TULP4: variants seen among roughly 807,000 people sequenced by gnomAD.
TULP4 encodes the protein tubby-related protein 4.
A neutral mutation model predicts 129.0 loss-of-function variants in TULP4; 16 were observed. That is an observed-to-expected ratio of 0.12 (90% confidence interval 0.08 to 0.19). TULP4 has a LOEUF of 0.19. TULP4 is among the 10% of genes least tolerant of loss of function. The pLI, the probability that TULP4 is intolerant of heterozygous loss-of-function variation, is 1.00. For synonymous variants in TULP4, 998 were observed against 854.0 expected, an observed-to-expected ratio of 1.17 and a Z score of -2.94; for missense variants, 1,842 against 2,059.1, an observed-to-expected ratio of 0.89 and a Z score of 2.04.
chr6:158,326,196 C>A (rs1779743142), intron 1 of TULP4, among the ~76,000 whole-genome samples: 2 of 152,202 alleles, frequency 1.3e-5, no homozygotes, highest in South Asian at 2.1e-4. Flanking sequence ...TTATTTAACT[C>A]TTTTCTCCTC....
rs1779422987 is a variant in TULP4, at chr6:158,313,879, A to G, written c.-138A>G. The G allele has an allele frequency of 1.1e-6, 1 of 910,356 alleles. No individual in the cohort carries two copies. Among genetic ancestry groups the G allele is most frequent in the African/African-American group, 1.7e-5 (1 of 59,760 alleles). The allele number at this position is 910,356 out of a possible 1,614,324, so 56.4% of individuals were successfully genotyped here. ...TATAAAATACTGACCTTCTAATTAGATTCAGGTCAGTCTTAATTAAAGGGG... is the reference window on the plus strand; with the variant it reads ...TATAAAATACTGACCTTCTAATTAGGTTCAGGTCAGTCTTAATTAAAGGGG... On this transcript the variant is annotated 5_prime_UTR_variant, in exon 1 of 14. Transcript: ENST00000367097.
intron 2 of TULP4, among the ~76,000 whole-genome samples, chr6:158,425,623 T>A (rs182070836): frequency 1.3e-5 from 2 of 152,172 alleles, no homozygotes; most frequent in Admixed American, 6.5e-5. Flanking sequence ...TTGTTTTGTT[T>A]TTTTGAGACG....
At chr6:158,310,068 A>G (rs1283769239), upstream of TULP4, among the ~76,000 whole-genome samples, 1 of 152,214 alleles carries the variant, frequency 6.6e-6, no homozygotes, top group African/African-American at 2.4e-5. Context: ...ATAATTTGTC[A>G]TTCATACTTT....
intron 1 of TULP4, among the ~76,000 whole-genome samples, chr6:158,323,476 C>T (rs1308375331): frequency 6.6e-6 from 1 of 152,166 alleles, no homozygotes; most frequent in African/African-American, 2.4e-5. Context: ...TCATTTTATG[C>T]AACTCTTCTG....
chr6:158,485,369 A>G (rs778965808), intron 8 of TULP4, among the ~76,000 whole-genome samples: 1 of 152,232 alleles, frequency 6.6e-6, no homozygotes, highest in Non-Finnish European at 1.5e-5. Context: ...TACATTTTGA[A>G]GAAAATACCA....
At chr6:158,411,965 A>T (rs1193200238) in intron 1 of TULP4, among the ~76,000 whole-genome samples, 1 of 152,224 alleles carries the variant, frequency 6.6e-6, no homozygotes, top group Non-Finnish European at 1.5e-5. Context: ...ATAATTAGCT[A>T]TTAGGCACAA....
At chr6:158,239,160 C>T (rs1289633644) in intron 1 of TULP4, among the ~76,000 whole-genome samples, 3 of 113,570 alleles carry the variant, frequency 2.6e-5, no homozygotes, top group African/African-American at 6.2e-5. Flanking sequence ...ACCTCCCGGA[C>T]GAGGCGGCTG....
chr6:158,243,850 GT>G (rs1583670063), intron 1 of TULP4, among the ~76,000 whole-genome samples: 2 of 42,450 alleles, frequency 4.7e-5, no homozygotes, highest in Admixed American at 3.9e-4. Flanking sequence ...TGAAATAGGT[GT>G]GTGTGTGTGT....
At chr6:158,335,141 G>C (rs1280626623) in intron 1 of TULP4, among the ~76,000 whole-genome samples, 7 of 152,022 alleles carry the variant, frequency 4.6e-5, no homozygotes, top group Non-Finnish European at 7.4e-5. Flanking sequence ...GCAGAGTGTG[G>C]TGGCAGGTGC....
intron 1 of TULP4, among the ~76,000 whole-genome samples, chr6:158,387,339 G>A (rs973837548): frequency 1.3e-5 from 2 of 152,116 alleles, no homozygotes; most frequent in Non-Finnish European, 1.5e-5. Context: ...ATTTCATGAC[G>A]TTCTGCAACA....
At chr6:158,504,307 C>A in intron 13 of TULP4, 129 bp downstream of exon 13, 1 of 756,276 alleles carries the variant, frequency 1.3e-6, no homozygotes, top group Non-Finnish European at 2.1e-6. Context: ...TTAGGTGGAG[C>A]TCATGGGGTT....
chr6:158,383,093 C>T (rs1241785000), intron 1 of TULP4, among the ~76,000 whole-genome samples: 1 of 152,188 alleles, frequency 6.6e-6, no homozygotes, highest in African/African-American at 2.4e-5. Context: ...GAACCTGGCA[C>T]CAGAATGCAA....
At chr6:158,232,517 G>A (rs969049152) in intron 1 of TULP4, among the ~76,000 whole-genome samples, 8 of 151,590 alleles carry the variant, frequency 5.3e-5, no homozygotes, top group African/African-American at 1.9e-4. Context: ...ACCCGGGCCC[G>A]GCGGCCGTGG....
chr6:158,405,729 T>C (rs1777965276), intron 1 of TULP4, among the ~76,000 whole-genome samples: 1 of 152,136 alleles, frequency 6.6e-6, no homozygotes, highest in Non-Finnish European at 1.5e-5. Context: ...TTCCACCCTT[T>C]AGCACAGAGC....
chr6:158,357,854 C>T (rs960350383), intron 1 of TULP4, among the ~76,000 whole-genome samples: 4 of 152,126 alleles, frequency 2.6e-5, no homozygotes, highest in East Asian at 1.9e-4. Context: ...ACCTTAGTTA[C>T]GTGTCGTATT....
At chr6:158,405,434 A>G (rs549700124) in intron 1 of TULP4, among the ~76,000 whole-genome samples, 15 of 152,250 alleles carry the variant, frequency 9.9e-5, no homozygotes, top group Non-Finnish European at 1.8e-4. Context: ...AGCCCAGACT[A>G]TTTATTGGTG....
At chr6:158,250,251 G>C (rs935509088) in intron 1 of TULP4, among the ~76,000 whole-genome samples, 1 of 151,534 alleles carries the variant, frequency 6.6e-6, no homozygotes, top group Non-Finnish European at 1.5e-5. Context: ...TCCGCCTCCC[G>C]AGTTCAAGCG....
chr6:158,241,294 C>A (rs573868778), intron 1 of TULP4, among the ~76,000 whole-genome samples: 1 of 127,412 alleles, frequency 7.8e-6, no homozygotes, highest in Non-Finnish European at 1.8e-5. Context: ...CTCCTCACAT[C>A]CCAGATGATG....
At chr6:158,487,382 G>T (rs1351918719) in intron 8 of TULP4, among the ~76,000 whole-genome samples, 1 of 152,172 alleles carries the variant, frequency 6.6e-6, no homozygotes, top group Non-Finnish European at 1.5e-5. Context: ...GGAGGTTGCA[G>T]TGAACCAAGA....
Sources: gnomAD v4.1 joint callset for allele counts (sites outside exome capture counted in the v4.1 genomes callset) on GRCh38, gnomAD v4.1.1 for gene constraint, MANE v1.5 for transcripts, NCBI Gene and HGNC (gene_info 2026-07-23, HGNC 2026-07-21) for gene names.